The following CHODL variants were observed in gnomAD, a reference collection of about 807,000 sequenced individuals.
CHODL encodes the protein transmembrane protein MT75.
CHODL carries 29 observed loss-of-function variants against 34.5 expected under a neutral mutation model. The ratio of observed to expected loss-of-function variants is 0.84; its 90% CI spans 0.63 to 1.15. CHODL has a LOEUF of 1.15. CHODL is among the 50% of genes most tolerant of loss of function. CHODL has a pLI of 0.00. For synonymous variants in CHODL, 125 were observed against 116.1 expected (o/e 1.08, Z -0.49); for missense variants, 332 against 332.5 (o/e 1.00, Z 0.01).
intron 1 of CHODL, among the ~76,000 whole-genome samples, chr21:18,009,930 G>C (rs532255420): frequency 6.7e-6 from 1 of 150,246 alleles, no homozygotes; most frequent in African/African-American, 2.4e-5. Context: ...AGGAAGGCTG[G>C]AGATATGGAC....
At chr21:18,104,272 G>A (rs910129040) in intron 2 of CHODL, among the ~76,000 whole-genome samples, 3 of 152,074 alleles carry the variant, frequency 2.0e-5, no homozygotes, top group Admixed American at 2.0e-4. Context: ...AATCATGGGG[G>A]CAGTTTCCCC....
chr21:18,098,252 T>C (rs1688162), intron 2 of CHODL, among the ~76,000 whole-genome samples: 61,259 of 151,602 alleles, frequency 0.4, 13,610 homozygotes, highest in Non-Finnish European at 0.51. Flanking sequence ...GCAAATTAAA[T>C]AATTAAGAAA....
chr21:17,948,871 A>T (rs1039979902), intron 1 of CHODL, among the ~76,000 whole-genome samples: 4 of 152,160 alleles, frequency 2.6e-5, no homozygotes, highest in Non-Finnish European at 5.9e-5. Context: ...CTCCAAAAAA[A>T]TCGAAGAGGT....
rs575394583 is a variant in CHODL at position 18,229,634 on chromosome 21, G to A, written c.-44-26875G>A. On this transcript the variant is annotated intron_variant, in intron 2 of 6. Transcript: ENST00000400127. ...GACGCTCATAATTCTTCAGTGTTAG[G>A]GTGGGGGAGAATGGATATTTGTGGA... Among the ~76,000 whole-genome samples the A allele has an allele frequency of 6.8e-4, 104 of 152,192 alleles. 1 individual carries two copies. Among genetic ancestry groups the A allele is most frequent in the Middle Eastern group, 3.4e-3 (1 of 294 alleles).
In CHODL at chr21:18,107,896, C is replaced by T. The variant is rs546178896; in HGVS notation, c.-45+79925C>T. 5.8e-4 allele frequency among the ~76,000 whole-genome samples: 88 copies of T among 152,294 alleles called. 2 individuals carry two copies. The South Asian group carries it at 0.018, about 31-fold the overall frequency. On this transcript the variant is annotated intron_variant, in intron 2 of 6. Coordinates refer to the CHODL transcript ENST00000400127. ...CACATGACATCTCATCAGAAGGTTC[C>T]TAGTGGAGAAAACTTTCAATAAGCA...
intron 2 of CHODL, among the ~76,000 whole-genome samples, chr21:18,075,939 A>G (rs1179644612): frequency 1.3e-5 from 2 of 152,182 alleles, no homozygotes; most frequent in African/African-American, 4.8e-5. Context: ...GGACACAGCA[A>G]AAAGACAGCT....
At chr21:18,029,326 C>A (rs2064220491) in intron 2 of CHODL, among the ~76,000 whole-genome samples, 1 of 152,228 alleles carries the variant, frequency 6.6e-6, no homozygotes, top group Admixed American at 6.5e-5. Context: ...ACCTTGCTTG[C>A]AGGCAGACAT....
At chr21:18,226,024 T>C (rs2073928101) in intron 2 of CHODL, among the ~76,000 whole-genome samples, 1 of 152,052 alleles carries the variant, frequency 6.6e-6, no homozygotes, top group African/African-American at 2.4e-5. Flanking sequence ...CAAAGGAATC[T>C]AGCCCGTTGG....
chr21:18,058,756 C>G (rs538635549), intron 2 of CHODL, among the ~76,000 whole-genome samples: 74 of 152,220 alleles, frequency 4.9e-4, no homozygotes, highest in African/African-American at 1.7e-3. Context: ...ATCTAACATT[C>G]TCTTTCTTTG....
chr21:17,973,217 G>C (rs907169530), intron 1 of CHODL, among the ~76,000 whole-genome samples: 1 of 152,032 alleles, frequency 6.6e-6, no homozygotes, highest in African/African-American at 2.4e-5. Context: ...ATACCATTCA[G>C]AACATAGGCA....
chr21:18,245,025 T>G lies in CHODL; in HGVS notation c.-199T>G. On this transcript the variant is annotated 5_prime_UTR_variant, in exon 1 of 6. Coordinates refer to ENST00000299295, the MANE Select transcript of CHODL (RefSeq NM_024944.3). ...AAGTCTTGAACTCCAGCCCCGCACATCCACGCGCGGCACAGGCGCGGCAGG... is the reference window on the plus strand; with the variant it reads ...AAGTCTTGAACTCCAGCCCCGCACAGCCACGCGCGGCACAGGCGCGGCAGG... 2.1e-6 allele frequency: 1 copy of G among 480,936 alleles called. No homozygotes were observed. Among genetic ancestry groups the G allele is most frequent in the Admixed American group, 4.4e-5 (1 of 22,538 alleles). 29.8% of individuals were successfully genotyped at this position (480,936 alleles called of 1,614,324 possible).
intron 1 of CHODL, among the ~76,000 whole-genome samples, chr21:17,998,542 C>A (rs1003919631): frequency 2.0e-5 from 3 of 152,238 alleles, no homozygotes; most frequent in Non-Finnish European, 4.4e-5. Context: ...TCTGCCCCTG[C>A]AGCAAACTTT....
intron 1 of CHODL, among the ~76,000 whole-genome samples, chr21:17,980,184 T>G (rs1466365837): frequency 1.3e-5 from 2 of 152,062 alleles, no homozygotes; most frequent in East Asian, 3.9e-4. Flanking sequence ...GACAGCTGTT[T>G]TAATGTTGAA....
chr21:18,170,026 G>A lies in CHODL; in HGVS notation c.-44-86483G>A, dbSNP rs534180700. ...ACTAGTTGTGCCCATTATTGAAAATGAGGCATTGGATTTTGCATTTTCTTT... is the reference window on the plus strand; with the variant it reads ...ACTAGTTGTGCCCATTATTGAAAATAAGGCATTGGATTTTGCATTTTCTTT... On this transcript the variant is annotated intron_variant, in intron 2 of 6. Coordinates refer to the CHODL transcript ENST00000400127. Among the ~76,000 whole-genome samples the A allele has an allele frequency of 5.9e-5, 9 of 152,100 alleles. No homozygotes were observed. The South Asian group carries it at 1.9e-3, about 32-fold the overall frequency.
intron 1 of CHODL, among the ~76,000 whole-genome samples, chr21:17,937,802 A>C (rs1384915757): frequency 1.3e-5 from 2 of 152,254 alleles, no homozygotes; most frequent in East Asian, 3.9e-4. Context: ...TTTTTAATAA[A>C]ATTTTGTCAT....
chr21:17,943,667 A>G (rs532096395), intron 1 of CHODL, among the ~76,000 whole-genome samples: 2 of 152,364 alleles, frequency 1.3e-5, no homozygotes, highest in Admixed American at 6.5e-5. Context: ...CGTGCTATGT[A>G]GAAATGAACA....
chr21:17,983,149 A>T (rs544419448), intron 1 of CHODL, among the ~76,000 whole-genome samples: 1 of 152,296 alleles, frequency 6.6e-6, no homozygotes, highest in East Asian at 1.9e-4. Context: ...TACTCTTTCT[A>T]ATCTGCTTTA....
At chr21:17,984,348 C>T (rs968495575) in intron 1 of CHODL, among the ~76,000 whole-genome samples, 10 of 152,130 alleles carry the variant, frequency 6.6e-5, no homozygotes, top group Non-Finnish European at 1.2e-4. Context: ...GCAGAAATCT[C>T]TTTATGATTC....
intron 2 of CHODL, among the ~76,000 whole-genome samples, chr21:18,140,139 T>C (rs1353465116): frequency 6.6e-6 from 1 of 152,196 alleles, no homozygotes; most frequent in African/African-American, 2.4e-5. Context: ...GAACATCTTT[T>C]TGGAGTCCAC....
Sources: gnomAD v4.1 joint callset for allele counts (sites outside exome capture counted in the v4.1 genomes callset) on GRCh38, gnomAD v4.1.1 for gene constraint, MANE v1.5 for transcripts, NCBI Gene and HGNC (gene_info 2026-07-23, HGNC 2026-07-21) for gene names.